The following ZNF431 variants were observed in gnomAD, a reference collection of about 807,000 sequenced individuals.
The protein encoded by ZNF431 is zinc finger protein 431.
Under a neutral mutation model 57.0 loss-of-function variants are expected in ZNF431, and 34 were observed. The observed-to-expected ratio is 0.60, with a 90% CI of 0.45 to 0.79. The LOEUF is 0.79. Ranked by LOEUF, ZNF431 falls within the 30% of genes least tolerant of loss-of-function variation. The probability of loss-of-function intolerance (pLI) is 0.00; values close to 1 mark genes in which losing one functional copy is unlikely to be tolerated. For missense variants in ZNF431, 607 were observed against 667.1 expected, an observed-to-expected ratio of 0.91 and a Z score of 0.99; for synonymous variants, 207 against 220.3, an observed-to-expected ratio of 0.94 and a Z score of 0.54.
intron 2 of ZNF431, among the ~76,000 whole-genome samples, chr19:21,160,809 G>C (rs919526513): frequency 6.6e-6 from 1 of 152,118 alleles, no homozygotes; most frequent in African/African-American, 2.4e-5. Context: ...CTAGTACTTA[G>C]GTGAAAGACA....
At chr19:21,162,820 G>A (rs1970612934) in intron 2 of ZNF431, 5 of 912,820 alleles carry the variant, frequency 5.5e-6, no homozygotes, top group Non-Finnish European at 6.5e-6. Flanking sequence ...TAAAACCAGT[G>A]CTTACAGAAA....
chr19:21,169,844 A>G, intron 4 of ZNF431: 1 of 398,548 alleles, frequency 2.5e-6, no homozygotes, highest in East Asian at 3.6e-5. Flanking sequence ...GCTGGAACTG[A>G]GTCAATAAAC....
chr19:21,162,320 C>T (rs556773240), intron 2 of ZNF431, among the ~76,000 whole-genome samples: 10 of 152,012 alleles, frequency 6.6e-5, no homozygotes, highest in African/African-American at 2.4e-4. Context: ...ATTACAGGCA[C>T]CTGCCACCAT....
chr19:21,145,935 G>C (rs957433540), intron 2 of ZNF431, among the ~76,000 whole-genome samples: 3 of 152,122 alleles, frequency 2.0e-5, no homozygotes, highest in Non-Finnish European at 4.4e-5. Flanking sequence ...CATGTTCTTA[G>C]ACGAGACATA....
rs1260201519 is a variant in ZNF431, at chr19:21,184,121, G to T, written c.*87G>T. 8.4e-7 allele frequency: 1 copy of T among 1,195,928 alleles called. No individual in the cohort carries two copies. The highest frequency in any genetic ancestry group is 1.5e-5 in the African/African-American group (1 of 64,968). The allele number at this position is 1,195,928 out of a possible 1,614,324, so 74.1% of individuals were successfully genotyped here. A position where few individuals can be genotyped will look rare whatever the true frequency, so the allele number is the denominator to read the frequency against. On this transcript the variant is annotated 3_prime_UTR_variant, in exon 5 of 5. Transcript: ENST00000311048. ...GCTCCCAGCATTTTGGGAGGCTGAGGTGGGTGGATCACAAGGTCAAGAGAT... is the reference window on the plus strand; with the variant it reads ...GCTCCCAGCATTTTGGGAGGCTGAGTTGGGTGGATCACAAGGTCAAGAGAT...
chr19:21,179,406 T>G (rs1248480814), intron 4 of ZNF431, among the ~76,000 whole-genome samples: 1 of 152,122 alleles, frequency 6.6e-6, no homozygotes, highest in East Asian at 1.9e-4. Context: ...TCTGCTAGCT[T>G]GAAGTTTTGT....
chr19:21,167,631 A>T lies in ZNF431; in HGVS notation c.284A>T (p.Asn95Ile). 6.3e-7 allele frequency: 1 copy of T among 1,590,164 alleles called. No individual in the cohort carries two copies. Among genetic ancestry groups the T allele is most frequent in the Non-Finnish European group, 8.6e-7 (1 of 1,167,122 alleles). Reference sequence around the variant, plus strand: ...CTGGAGCAAGAAAAAGAGCCCTGGAATATGAAGAGACATGAGATGGTGGAT... The same window carrying T: ...CTGGAGCAAGAAAAAGAGCCCTGGATTATGAAGAGACATGAGATGGTGGAT... ...TCLEQEKEPWNMKRHEMVDEP... is the reference protein window; with the variant it reads ...TCLEQEKEPWIMKRHEMVDEP... The change falls in exon 4 of 5, where the codon AAT becomes ATT. Residue 95 changes from asparagine (N) to isoleucine (I), a missense_variant. By Grantham distance (149) the Asn-to-Ile change is moderately radical. Coordinates refer to ENST00000311048, the MANE Select transcript of ZNF431 (RefSeq NM_133473.4).
chr19:21,147,461 G>C (rs1278254522), intron 2 of ZNF431, among the ~76,000 whole-genome samples: 2 of 151,870 alleles, frequency 1.3e-5, no homozygotes, highest in Admixed American at 1.3e-4. Flanking sequence ...TTACACTCCA[G>C]CTCCAGCCTG....
rs1049403689 is a variant in ZNF431 at position 21,189,678 on chromosome 19, A to C, written c.*5644A>C. 1 of 382,852 alleles carries C rather than the reference A, an allele frequency of 2.6e-6. No homozygotes were observed. Among genetic ancestry groups the C allele is most frequent in the African/African-American group, 2.1e-5 (1 of 48,134 alleles). The allele number at this position is 382,852 out of a possible 1,614,324, so 23.7% of individuals were successfully genotyped here. On this transcript the variant is annotated 3_prime_UTR_variant, in exon 5 of 5. Transcript: ENST00000311048. ...ACATGTTTCCAGCCTTCCATTTCTT[A>C]TAAATAACTTGCATCTGATGGTCAC... is the stretch of plus-strand genomic sequence containing the variant.
chr19:21,195,428 T>C lies in ZNF431; in HGVS notation c.*11394T>C, dbSNP rs950499101. On this transcript the variant is annotated 3_prime_UTR_variant, in exon 5 of 5. Transcript: ENST00000311048. ...TGGTCAACAGTTTCACTTCCAACTTTTTTAAAAGATACACAATTTTCTAAA... is the reference window on the plus strand; with the variant it reads ...TGGTCAACAGTTTCACTTCCAACTTCTTTAAAAGATACACAATTTTCTAAA... 2.0e-5 allele frequency: 3 copies of C among 152,220 alleles called. No homozygotes were observed. Among genetic ancestry groups the C allele is most frequent in the African/African-American group, 7.2e-5 (3 of 41,458 alleles). 9.4% of individuals were successfully genotyped at this position (152,220 alleles called of 1,614,324 possible).
chr19:21,176,887 G>A (rs1281320105), intron 4 of ZNF431, among the ~76,000 whole-genome samples: 4 of 151,964 alleles, frequency 2.6e-5, no homozygotes, highest in Non-Finnish European at 5.9e-5. Context: ...AGTAGAGATG[G>A]GGTTTCACCA....
chr19:21,176,287 C>T (rs1404336938), intron 4 of ZNF431, among the ~76,000 whole-genome samples: 1 of 146,640 alleles, frequency 6.8e-6, no homozygotes, highest in Non-Finnish European at 1.5e-5. Flanking sequence ...GTTGCCCAGG[C>T]TGGAATGCAA....
chr19:21,185,334 G>T lies in ZNF431; in HGVS notation c.*1300G>T, dbSNP rs1694732119. ...TCTTGAAAAATATTACAGATTTTTTGAAAATTGAATAATGTCATCATTCAA... is the reference window on the plus strand; with the variant it reads ...TCTTGAAAAATATTACAGATTTTTTTAAAATTGAATAATGTCATCATTCAA... On this transcript the variant is annotated 3_prime_UTR_variant, in exon 5 of 5. Coordinates refer to ENST00000311048, the MANE Select transcript of ZNF431 (RefSeq NM_133473.4). 6.6e-6 allele frequency: 1 copy of T among 152,072 alleles called. No homozygotes were observed. 9.4% of individuals were successfully genotyped at this position (152,072 alleles called of 1,614,324 possible). A position where few individuals can be genotyped will look rare whatever the true frequency, so the allele number is the denominator to read the frequency against.
At chr19:21,161,003 G>T (rs963059206) in intron 2 of ZNF431, among the ~76,000 whole-genome samples, 1 of 151,952 alleles carries the variant, frequency 6.6e-6, no homozygotes, top group African/African-American at 2.4e-5. Flanking sequence ...CCCCATCTCT[G>T]CTAAAAATAC....
In ZNF431 at chr19:21,189,157, ATAGT is replaced by A. The variant is rs1568320797; in HGVS notation, c.*5126_*5129del. The A allele has an allele frequency of 1.3e-5, 2 of 152,152 alleles. No homozygotes were observed. The highest frequency in any genetic ancestry group is 2.1e-4 in the South Asian group (1 of 4,832). 9.4% of individuals were successfully genotyped at this position (152,152 alleles called of 1,614,324 possible). A position where few individuals can be genotyped will look rare whatever the true frequency, so the allele number is the denominator to read the frequency against. On this transcript the variant is annotated 3_prime_UTR_variant, in exon 5 of 5. Coordinates refer to ENST00000311048, the MANE Select transcript of ZNF431 (RefSeq NM_133473.4). ...GAACGTAATATTTTGAAGTATATAT[ATAGT>A]TAAATTATTATTTCTAGGTAATTAA... is the stretch of plus-strand genomic sequence containing the variant.
chr19:21,165,195 T>C (rs1399003083), intron 2 of ZNF431, among the ~76,000 whole-genome samples: 2 of 152,150 alleles, frequency 1.3e-5, no homozygotes, highest in South Asian at 2.1e-4. Flanking sequence ...TGATCTGCCA[T>C]ATTAAAAGTG....
At chr19:21,161,045 G>A (rs1293799380) in intron 2 of ZNF431, among the ~76,000 whole-genome samples, 1 of 152,158 alleles carries the variant, frequency 6.6e-6, no homozygotes. Flanking sequence ...GCACGTGCCT[G>A]TAATCCCAGC....
chr19:21,169,864 G>A, intron 4 of ZNF431: 1 of 398,592 alleles, frequency 2.5e-6, no homozygotes, highest in Non-Finnish European at 4.4e-6. Context: ...CTGCTTCAGG[G>A]ACCACAGTAA....
intron 2 of ZNF431, among the ~76,000 whole-genome samples, chr19:21,154,635 A>G (rs1970368454): frequency 6.6e-6 from 1 of 152,122 alleles, no homozygotes; most frequent in African/African-American, 2.4e-5. Context: ...CAGTCCCACC[A>G]ACAGTGTAAA....
Sources: allele counts gnomAD v4.1 joint callset (sites outside exome capture counted in the v4.1 genomes callset), GRCh38; gene constraint gnomAD v4.1.1; transcripts MANE v1.5; gene names NCBI Gene and HGNC (gene_info 2026-07-23, HGNC 2026-07-21).